Variants in NRXN1 observed in about 807,000 individuals in gnomAD.
NRXN1 encodes neurexin 1.
A neutral mutation model predicts 150.9 loss-of-function variants in NRXN1; 39 were observed. The ratio of observed to expected loss-of-function variants is 0.26; its 90% CI spans 0.20 to 0.34. The LOEUF is 0.34. Ranked by LOEUF, NRXN1 falls within the 10% of genes least tolerant of loss-of-function variation. NRXN1 has a pLI of 1.00. For synonymous variants in NRXN1, 924 were observed against 757.0 expected, an observed-to-expected ratio of 1.22 and a Z score of -3.62; for missense variants, 1,815 against 1,949.9, an observed-to-expected ratio of 0.93 and a Z score of 1.30.
At chr2:50,233,168 T>C (rs2065112951) in intron 18 of NRXN1, among the ~76,000 whole-genome samples, 1 of 152,090 alleles carries the variant, frequency 6.6e-6, no homozygotes, top group Non-Finnish European at 1.5e-5. Flanking sequence ...TGAGCACTCA[T>C]ATTCTAGGTA....
At chr2:50,027,282 C>T (rs1051735367) in intron 21 of NRXN1, among the ~76,000 whole-genome samples, 1 of 151,566 alleles carries the variant, frequency 6.6e-6, no homozygotes, top group East Asian at 2.0e-4. Context: ...CTTCCTTCCT[C>T]CCTCGCTCCC....
chr2:50,523,150 T>TTA (rs10672773), intron 12 of NRXN1, among the ~76,000 whole-genome samples: 131,724 of 151,976 alleles, frequency 0.87, 57,400 homozygotes, highest in African/African-American at 0.93. Flanking sequence ...CAATTTTTTT[T>TTA]GATTTTTGCT....
intron 2 of NRXN1, among the ~76,000 whole-genome samples, chr2:50,978,228 T>C (rs1696172235): frequency 7.0e-6 from 1 of 142,182 alleles, no homozygotes; most frequent in South Asian, 2.2e-4. Context: ...CTTATTCTTA[T>C]ACATATTCTT....
intron 5 of NRXN1, among the ~76,000 whole-genome samples, chr2:50,812,624 T>C (rs1668372914): frequency 6.6e-6 from 1 of 151,762 alleles, no homozygotes; most frequent in Non-Finnish European, 1.5e-5. Flanking sequence ...AGATATTGTA[T>C]AGATCCACAT....
At chr2:50,115,346 G>T (rs559802941) in intron 18 of NRXN1, among the ~76,000 whole-genome samples, 1 of 150,860 alleles carries the variant, frequency 6.6e-6, no homozygotes, top group East Asian at 1.9e-4. Context: ...CAAATTTCTG[G>T]GGGTACTCAG....
chr2:50,329,666 TATATA>T (rs2076692310), intron 17 of NRXN1, among the ~76,000 whole-genome samples: 4 of 25,496 alleles, frequency 1.6e-4, no homozygotes, highest in Admixed American at 6.7e-4. Context: ...TATATATATA[TATATA>T]TATTTTTTTT....
intron 5 of NRXN1, among the ~76,000 whole-genome samples, chr2:50,719,762 T>A (rs1696389678): frequency 6.6e-6 from 1 of 152,166 alleles, no homozygotes; most frequent in Non-Finnish European, 1.5e-5. Flanking sequence ...CATAAAAGTA[T>A]CTGAGAAATT....
At chr2:50,083,617 G>C (rs775312091) in intron 19 of NRXN1, among the ~76,000 whole-genome samples, 4 of 152,142 alleles carry the variant, frequency 2.6e-5, no homozygotes, top group Non-Finnish European at 5.9e-5. Context: ...GCCAGGGCTG[G>C]CTCGGGCAGC....
chr2:50,679,034 G>A lies in NRXN1; in HGVS notation c.833-55419C>T, dbSNP rs150189122. ...TGTTACAAGGTGCAGTGCCACTCTA[G>A]AGACCACAGATTGGTAGCTCTTGGG... On this transcript the variant is annotated intron_variant, in intron 5 of 22. Transcript: ENST00000401669. Among the ~76,000 whole-genome samples, 653 of 152,206 alleles carry A rather than the reference G, an allele frequency of 4.3e-3. 4 individuals are homozygous for A. The highest frequency in any genetic ancestry group is 0.015 in the African/African-American group (607 of 41,546).
At chr2:50,865,751 G>T (rs1362342151) in intron 5 of NRXN1, among the ~76,000 whole-genome samples, 15 of 118,298 alleles carry the variant, frequency 1.3e-4, no homozygotes, top group Admixed American at 1.1e-3. Context: ...GTTTTTTTTT[G>T]GTGGTGGGGG....
rs566366817 is a variant in NRXN1, at chr2:50,968,327, T to C, written c.773-42372A>G. Reference sequence around the variant, plus strand: ...TGATACTGTATATTTGTATTCATCTTTTCCATCTTCTCAGATCTCCTACAC... The same window carrying C: ...TGATACTGTATATTTGTATTCATCTCTTCCATCTTCTCAGATCTCCTACAC... On this transcript the variant is annotated intron_variant, in intron 2 of 22. Transcript: ENST00000401669. Among the ~76,000 whole-genome samples, 4 of 152,252 alleles carry C rather than the reference T, an allele frequency of 2.6e-5. No homozygotes were observed. The East Asian group carries it at 7.7e-4, about 29-fold the overall frequency.
At chr2:50,773,890 C>T (rs748335973) in intron 5 of NRXN1, among the ~76,000 whole-genome samples, 4 of 152,244 alleles carry the variant, frequency 2.6e-5, no homozygotes, top group Middle Eastern at 3.4e-3. Flanking sequence ...CATTCACCCA[C>T]AAGCAACACA....
At chr2:50,847,641 G>C (rs544506424) in intron 5 of NRXN1, among the ~76,000 whole-genome samples, 8 of 152,152 alleles carry the variant, frequency 5.3e-5, no homozygotes, top group Non-Finnish European at 1.0e-4. Context: ...CCAACACACA[G>C]AAGCGGCTGG....
intron 17 of NRXN1, among the ~76,000 whole-genome samples, chr2:50,320,826 C>T (rs1444824550): frequency 6.6e-6 from 1 of 152,128 alleles, no homozygotes; most frequent in African/African-American, 2.4e-5. Flanking sequence ...CTGGCTGTTT[C>T]ATTCATTGAA....
intron 5 of NRXN1, among the ~76,000 whole-genome samples, chr2:50,720,113 C>G (rs1029793899): frequency 6.6e-6 from 1 of 152,176 alleles, no homozygotes; most frequent in East Asian, 1.9e-4. Flanking sequence ...TGCTGTAGAT[C>G]TGTCCAGCAA....
At chr2:50,976,171 G>A (rs144637381) in intron 2 of NRXN1, among the ~76,000 whole-genome samples, 45 of 149,330 alleles carry the variant, frequency 3.0e-4, no homozygotes, top group African/African-American at 1.1e-3. Context: ...AATTTACTTT[G>A]CAATCAATTA....
At chr2:49,997,792 T>C (rs760579354) in intron 21 of NRXN1, among the ~76,000 whole-genome samples, 1 of 152,094 alleles carries the variant, frequency 6.6e-6, no homozygotes. Context: ...CTAGAGTTCA[T>C]CTCTCTAAGA....
intron 21 of NRXN1, among the ~76,000 whole-genome samples, chr2:50,004,743 C>T (rs1255692782): frequency 6.6e-6 from 1 of 152,226 alleles, no homozygotes; most frequent in East Asian, 1.9e-4. Flanking sequence ...GAGCTGTGGT[C>T]TAGGCAGAGA....
At chr2:50,574,926 C>G (rs1671171776) in intron 8 of NRXN1, among the ~76,000 whole-genome samples, 1 of 152,154 alleles carries the variant, frequency 6.6e-6, no homozygotes, top group African/African-American at 2.4e-5. Context: ...TGAACTGCTG[C>G]GTGCACACCA....
Sources: gnomAD v4.1 joint callset for allele counts (sites outside exome capture counted in the v4.1 genomes callset) on GRCh38, gnomAD v4.1.1 for gene constraint, MANE v1.5 for transcripts, NCBI Gene and HGNC (gene_info 2026-07-23, HGNC 2026-07-21) for gene names.